The following NRDC variants were observed in gnomAD, a reference collection of about 807,000 sequenced individuals.
NRDC encodes the protein nardilysin.
A neutral mutation model predicts 147.1 loss-of-function variants in NRDC; 54 were observed. The observed-to-expected ratio is 0.37, with a 90% CI of 0.29 to 0.46. NRDC has a LOEUF of 0.46. NRDC is among the 20% of genes least tolerant of loss of function. NRDC has a pLI of 1.00. For synonymous variants in NRDC, 440 were observed against 482.1 expected (o/e 0.91, Z 1.14); for missense variants, 1,082 against 1,370.6 (o/e 0.79, Z 3.33).
At chr1:51,821,358 C>T in intron 8 of NRDC, 140 bp downstream of exon 8, 1 of 530,248 alleles carries the variant, frequency 1.9e-6, no homozygotes, top group Non-Finnish European at 3.4e-6. Context: ...GCTGTGTGAT[C>T]TTGACAGTCA....
Position 51,798,293 on chromosome 1 carries a change from G to T in NRDC, c.2560C>A (p.Gln854Lys), listed in dbSNP as rs1195330955. 1.2e-6 allele frequency: 2 copies of T among 1,614,142 alleles called. No individual in the cohort carries two copies. Among genetic ancestry groups the T allele is most frequent in the South Asian group, 2.2e-5 (2 of 91,076 alleles). The change falls in exon 22 of 31, where the codon CAG becomes AAG. Residue 854 changes from glutamine (Q) to lysine (K), a missense_variant. Gln to Lys is a moderately conservative substitution (Grantham distance 53, BLOSUM62 1). Around this residue, in one of 3 missense-constraint regions of NRDC, gnomAD observed 635 missense variants for 923.8 expected, o/e 0.69. Coordinates refer to ENST00000352171, the MANE Select transcript of NRDC (RefSeq NM_001101662.2). Reference protein sequence around the residue: ...LLSFVKEFKSQLFVEGLVQGN... With the variant: ...LLSFVKEFKSKLFVEGLVQGN... The stretch of plus-strand genomic sequence containing the variant: ...TGTACCAGGCCCTCCACAAAGAGCT[G>T]GGATTTGAATTCTTTGACGAAGCTC...
intron 1 of NRDC, among the ~76,000 whole-genome samples, chr1:51,873,894 T>G (rs969016406): frequency 5.3e-5 from 8 of 151,872 alleles, no homozygotes; most frequent in Admixed American, 5.2e-4. Context: ...TTCAGAAGTT[T>G]ATATGCCTTT....
chr1:51,792,350 A>C, intron 25 of NRDC, 27 bp downstream of exon 25: 1 of 1,610,416 alleles, frequency 6.2e-7, no homozygotes, highest in Non-Finnish European at 8.5e-7. Context: ...GCTGCTGAAA[A>C]CCTCAGCATC....
At chr1:51,849,454 T>G (rs536950296) in intron 1 of NRDC, among the ~76,000 whole-genome samples, 2 of 151,860 alleles carry the variant, frequency 1.3e-5, no homozygotes, top group African/African-American at 2.4e-5. Flanking sequence ...AACAAGATTT[T>G]TTTGTGGAAC....
intron 2 of NRDC, chr1:51,837,592 G>A (rs1020656571): frequency 1.9e-6 from 3 of 1,576,234 alleles, no homozygotes; most frequent in Non-Finnish European, 2.6e-6. Flanking sequence ...AGTCAGCTTT[G>A]ACCACAGCAA....
intron 1 of NRDC, among the ~76,000 whole-genome samples, chr1:51,846,490 A>G (rs34307160): frequency 0.045 from 6,875 of 152,324 alleles, 192 homozygotes; most frequent in Middle Eastern, 0.065. Flanking sequence ...ACTGACTTCA[A>G]GAATGAAGCC....
At chr1:51,804,870 C>T (rs1679390312) in intron 19 of NRDC, among the ~76,000 whole-genome samples, 1 of 152,074 alleles carries the variant, frequency 6.6e-6, no homozygotes, top group South Asian at 2.1e-4. Context: ...ACACATTTCC[C>T]AAGTATCTCC....
chr1:51,831,655 T>C (rs577131968), intron 4 of NRDC, among the ~76,000 whole-genome samples: 139 of 150,634 alleles, frequency 9.2e-4, no homozygotes, highest in Middle Eastern at 6.8e-3. Context: ...CTCAGCTCAC[T>C]GCAACCTCCG....
rs775666929 is a variant in NRDC, at chr1:51,840,338, T to A, written c.518A>T (p.Asp173Val). ...TTCATCATCAAACTCATCTTCATCA[T>A]CAAAACCCTCTTCATCGTCATCTTC... ...EIEDDDEEGF[D>V]DEDEFDDEHD... is the part of the protein sequence containing the mutation. The change falls in exon 2 of 31, where the codon GAT (aspartate) becomes GTT (valine). Residue 173 changes from aspartate (D) to valine (V), a missense_variant. By Grantham distance (152) the Asp-to-Val change is radical. This residue lies in a region of NRDC where 260 missense variants were observed against 253.2 expected (regional missense o/e 1.03). Coordinates refer to ENST00000352171, the MANE Select transcript of NRDC (RefSeq NM_001101662.2). The A allele has an allele frequency of 6.5e-7, 1 of 1,535,760 alleles. No individual in the cohort carries two copies. Among genetic ancestry groups the A allele is most frequent in the South Asian group, 1.1e-5 (1 of 89,386 alleles).
At chr1:51,807,147 A>G (rs1324945947) in intron 17 of NRDC, among the ~76,000 whole-genome samples, 1 of 152,206 alleles carries the variant, frequency 6.6e-6, no homozygotes, top group African/African-American at 2.4e-5. Flanking sequence ...GTTGCTACAC[A>G]TTCTGCTTCA....
At chr1:51,866,035 G>A (rs1359890939) in intron 1 of NRDC, among the ~76,000 whole-genome samples, 3 of 151,570 alleles carry the variant, frequency 2.0e-5, no homozygotes, top group Admixed American at 6.6e-5. Flanking sequence ...CAGCCTGGGC[G>A]ACAGAGCAAG....
chr1:51,812,017 G>A lies in NRDC; in HGVS notation c.1756C>T (p.Leu586Phe). Residue 586 changes from leucine (L) to phenylalanine (F), a missense_variant, in exon 15 of 31, where the codon CTT becomes TTT. Physicochemically the swap from Leu to Phe is conservative, Grantham distance 22 (BLOSUM62 0). Coordinates refer to ENST00000352171, the MANE Select transcript of NRDC (RefSeq NM_001101662.2). ...PLQDILTGDQ[L>F]LFEYKPEVIG... ...ACTTCTGGCTTGTATTCAAAAAGAA[G>A]CTGATCTCCAGTGAGAATGTCCTGC... 6.2e-7 allele frequency: 1 copy of A among 1,613,392 alleles called. No homozygotes were observed. Among genetic ancestry groups the A allele is most frequent in the Non-Finnish European group, 8.5e-7 (1 of 1,179,408 alleles).
Position 51,810,340 on chromosome 1 carries a change from G to A in NRDC, c.1844C>T (p.Ala615Val), listed in dbSNP as rs1354251753. ...CTTGAGGTCACATTTTCCCTCATTA[G>A]CACCAGACAGTAAAACAAGATTTGC... ...QKANLVLLSG[A>V]NEGKCDLKEK... Residue 615 changes from alanine (A) to valine (V), a missense_variant, in exon 16 of 31, where the codon GCT becomes GTT. Ala to Val is a moderately conservative substitution (Grantham distance 64). Coordinates refer to ENST00000352171, the MANE Select transcript of NRDC (RefSeq NM_001101662.2). 6.2e-7 allele frequency: 1 copy of A among 1,611,484 alleles called. No homozygotes were observed. The highest frequency in any genetic ancestry group is 1.1e-5 in the South Asian group (1 of 90,868).
chr1:51,840,328 A>T lies in NRDC; in HGVS notation c.528T>A (p.Asp176Glu), dbSNP rs374714091. The change falls in exon 2 of 31, where the codon GAT becomes GAA. Residue 176 changes from aspartate (D) to glutamate (E), a missense_variant. Physicochemically the swap from Asp to Glu is conservative, Grantham distance 45 (BLOSUM62 2). Coordinates refer to ENST00000352171, the MANE Select transcript of NRDC (RefSeq NM_001101662.2). ...DDDEEGFDDE[D>E]EFDDEHDDDL... Reference sequence around the variant, plus strand: ...CATCATCATGTTCATCATCAAACTCATCTTCATCATCAAAACCCTCTTCAT... The same window carrying T: ...CATCATCATGTTCATCATCAAACTCTTCTTCATCATCAAAACCCTCTTCAT... 1.3e-6 allele frequency: 2 copies of T among 1,536,448 alleles called. No individual in the cohort carries two copies. Among genetic ancestry groups the T allele is most frequent in the Non-Finnish European group, 1.8e-6 (2 of 1,109,818 alleles).
chr1:51,861,745 T>C (rs986332084), intron 1 of NRDC, among the ~76,000 whole-genome samples: 6 of 152,184 alleles, frequency 3.9e-5, no homozygotes, highest in African/African-American at 1.4e-4. Flanking sequence ...AGGGCAGAAA[T>C]ATACCTGAAG....
At chr1:51,865,746 A>AT (rs1044979786) in intron 1 of NRDC, among the ~76,000 whole-genome samples, 6 of 151,982 alleles carry the variant, frequency 3.9e-5, no homozygotes, top group African/African-American at 7.3e-5. Flanking sequence ...ACAGATAGTA[A>AT]TTTTTTTTAA....
chr1:51,831,395 C>A (rs1190198555), intron 4 of NRDC, among the ~76,000 whole-genome samples: 5 of 152,046 alleles, frequency 3.3e-5, no homozygotes, highest in African/African-American at 4.8e-5. Context: ...GATTTCTTCA[C>A]ACATACAAAG....
Position 51,878,691 on chromosome 1 carries a change from C to G in NRDC, c.-76G>C, listed in dbSNP as rs1024635245. 228 of 1,348,050 alleles carry G rather than the reference C, an allele frequency of 1.7e-4. No individual in the cohort carries two copies. The highest frequency in any genetic ancestry group is 2.1e-4 in the Non-Finnish European group (208 of 979,264). The allele number at this position is 1,348,050 out of a possible 1,614,324, so 83.5% of individuals were successfully genotyped here. On this transcript the variant is annotated 5_prime_UTR_variant, in exon 1 of 31. Coordinates refer to ENST00000352171, the MANE Select transcript of NRDC (RefSeq NM_001101662.2). Reference sequence around the variant, plus strand: ...TCCGCGTTCTAGAGGCGGTGGCGGCCGGCCCTGGTGCTGCCGCAGCCGCGG... The same window carrying G: ...TCCGCGTTCTAGAGGCGGTGGCGGCGGGCCCTGGTGCTGCCGCAGCCGCGG...
At chr1:51,791,166 GAGAA>G (rs1180022337) in intron 27 of NRDC, among the ~76,000 whole-genome samples, 176 bp from the exon 28 acceptor site, 1 of 152,126 alleles carries the variant, frequency 6.6e-6, no homozygotes, top group African/African-American at 2.4e-5. Flanking sequence ...AGGACAGAAA[GAGAA>G]AGAACCCTCC....
Sources: gnomAD v4.1 joint callset for allele counts (sites outside exome capture counted in the v4.1 genomes callset) on GRCh38, gnomAD v4.1.1 for gene constraint, gnomAD v4.1.1 regional missense constraint, MANE v1.5 for transcripts, NCBI Gene and HGNC (gene_info 2026-07-23, HGNC 2026-07-21) for gene names.